Variants in BTBD7 observed in about 807,000 individuals in gnomAD.
The protein encoded by BTBD7 is BTB domain containing 7, also known as BTB/POZ domain-containing protein 7.
In BTBD7, 38 loss-of-function variants were observed where a neutral mutation model predicts 99.9. That is an observed-to-expected ratio of 0.38 (90% confidence interval 0.29 to 0.50). The LOEUF (loss-of-function observed/expected upper bound fraction) is 0.50. Among genes scored for constraint, BTBD7 ranks in the 20% least tolerant of loss-of-function variants. The pLI is 0.93. For missense variants in BTBD7, 1,170 were observed against 1,394.6 expected (o/e 0.84, Z 2.57); for synonymous variants, 520 against 511.4 (o/e 1.02, Z -0.23).
Position 93,294,903 on chromosome 14 carries a change from G to A in BTBD7, c.117C>T (p.Cys39=), listed in dbSNP as rs765663061. The A allele has an allele frequency of 3.3e-5, 53 of 1,603,602 alleles. No individual in the cohort carries two copies. The highest frequency in any genetic ancestry group is 5.2e-5 in the Admixed American group (3 of 57,244). The part of the protein sequence containing the change: ...TSSYSQQGYG[C]ESKLYSLDHG... ...GGTCAAGGCTATACAACTTTGATTC[G>A]CAACCATAGCCTTGCTGAGAATAGG... The change falls in exon 3 of 11, where the codon TGC becomes TGT. Residue 39 remains cysteine (C), a synonymous_variant. Coordinates refer to ENST00000334746, the MANE Select transcript of BTBD7 (RefSeq NM_001002860.4).
intron 1 of BTBD7, among the ~76,000 whole-genome samples, chr14:93,301,508 T>A (rs1406050045): frequency 6.6e-6 from 1 of 151,162 alleles, no homozygotes; most frequent in Non-Finnish European, 1.5e-5. Context: ...TTTTTACATA[T>A]ATATATATAT....
chr14:93,296,691 A>T (rs1159116457), intron 1 of BTBD7, among the ~76,000 whole-genome samples: 1 of 152,242 alleles, frequency 6.6e-6, no homozygotes, highest in East Asian at 1.9e-4. Flanking sequence ...AAGGTGGACA[A>T]TTAAAGCTAA....
rs1269109740 is a variant in BTBD7 at position 93,238,801 on chromosome 14, C to T, written c.*3472G>A. 3 of 152,296 alleles carry T rather than the reference C, an allele frequency of 2.0e-5. No individual in the cohort carries two copies. The highest frequency in any genetic ancestry group is 1.9e-4 in the East Asian group (1 of 5,186). 9.4% of individuals were successfully genotyped at this position (152,296 alleles called of 1,614,324 possible). On this transcript the variant is annotated 3_prime_UTR_variant, in exon 11 of 11. Coordinates refer to ENST00000334746, the MANE Select transcript of BTBD7 (RefSeq NM_001002860.4). ...CGTGTTTCCAATTTGCCTTCTGCATCGGCACCTTAATGCAGATGTACAAGG... is the reference window on the plus strand; with the variant it reads ...CGTGTTTCCAATTTGCCTTCTGCATTGGCACCTTAATGCAGATGTACAAGG...
intron 3 of BTBD7, among the ~76,000 whole-genome samples, chr14:93,266,188 A>ATTT (rs2052541442): frequency 6.6e-6 from 1 of 152,106 alleles, no homozygotes; most frequent in African/African-American, 2.4e-5. Flanking sequence ...CACTGAATGA[A>ATTT]TGCAAAATGT....
At chr14:93,243,463 G>A (rs1271208908) in intron 10 of BTBD7, among the ~76,000 whole-genome samples, 1 of 152,122 alleles carries the variant, frequency 6.6e-6, no homozygotes, top group Admixed American at 6.5e-5. Context: ...AAAGTGCTGG[G>A]ATTACAGGCG....
chr14:93,249,973 C>A (rs548280702), intron 8 of BTBD7, among the ~76,000 whole-genome samples: 17 of 152,282 alleles, frequency 1.1e-4, no homozygotes, highest in Admixed American at 3.9e-4. Flanking sequence ...AACTCCTGTG[C>A]ATATTACTCA....
In BTBD7 at chr14:93,294,297, A is replaced by T. The variant is rs763209407; in HGVS notation, c.723T>A (p.Phe241Leu). 6.6e-5 allele frequency: 106 copies of T among 1,614,084 alleles called. No homozygotes were observed. The highest frequency in any genetic ancestry group is 8.8e-5 in the Non-Finnish European group (104 of 1,180,042). The change falls in exon 3 of 11, where the codon TTT (phenylalanine) becomes TTA (leucine). Residue 241 changes from phenylalanine (F) to leucine (L), a missense_variant. Coordinates refer to ENST00000334746, the MANE Select transcript of BTBD7 (RefSeq NM_001002860.4). ...CGACATCATAATAACACATGTAATCAAAGAGTCCACGCATATCTACATCAA... is the reference window on the plus strand; with the variant it reads ...CGACATCATAATAACACATGTAATCTAAGAGTCCACGCATATCTACATCAA... Reference protein sequence around the residue: ...NSLDVDMRGLFDYMCYYDVVL... With the variant: ...NSLDVDMRGLLDYMCYYDVVL...
intron 1 of BTBD7, among the ~76,000 whole-genome samples, chr14:93,315,060 TCCTTTG>T (rs1469093661): frequency 6.6e-6 from 1 of 152,212 alleles, no homozygotes; most frequent in African/African-American, 2.4e-5. Flanking sequence ...CTCTGTCTTT[TCCTTTG>T]TAACTTCTGG....
At chr14:93,285,867 T>C (rs1475113759) in intron 3 of BTBD7, among the ~76,000 whole-genome samples, 1 of 152,206 alleles carries the variant, frequency 6.6e-6, no homozygotes, top group Non-Finnish European at 1.5e-5. Context: ...ACAAGTCTAG[T>C]TGGCTTAAAG....
intron 1 of BTBD7, among the ~76,000 whole-genome samples, chr14:93,324,423 A>AAAAAAAAATAAAAAT (rs554096191): frequency 0.078 from 11,457 of 147,748 alleles, 986 homozygotes; most frequent in African/African-American, 0.21. Context: ...CCCTGTCTCA[A>AAAAAAAAATAAAAAT]AAAAAAAAAA....
intron 2 of BTBD7, 42 bp from the exon 3 acceptor site, chr14:93,294,979 ACATT>A: frequency 1.3e-6 from 2 of 1,483,630 alleles, no homozygotes; most frequent in Non-Finnish European, 1.8e-6. Flanking sequence ...TTTTTTCTTA[ACATT>A]CATTTTCAAC....
At chr14:93,306,356 C>T (rs2053069966) in intron 1 of BTBD7, among the ~76,000 whole-genome samples, 2 of 151,576 alleles carry the variant, frequency 1.3e-5, no homozygotes, top group Admixed American at 1.3e-4. Context: ...GCCTATAATC[C>T]CAGCACTTTG....
At chr14:93,332,727 G>GGCGC in intron 1 of BTBD7, 93 bp downstream of exon 1, 5 of 1,348,270 alleles carry the variant, frequency 3.7e-6, no homozygotes, top group Non-Finnish European at 4.7e-6. Context: ...GCGCCCCCAC[G>GGCGC]CCTAAGAACA....
chr14:93,285,685 CTGT>C (rs1246993302), intron 3 of BTBD7, among the ~76,000 whole-genome samples: 4 of 152,274 alleles, frequency 2.6e-5, no homozygotes, highest in African/African-American at 7.2e-5. Flanking sequence ...ATTTTCAGAG[CTGT>C]TTACCCAGTA....
intron 1 of BTBD7, among the ~76,000 whole-genome samples, chr14:93,307,234 T>C (rs1179369622): frequency 6.6e-6 from 1 of 152,190 alleles, no homozygotes; most frequent in African/African-American, 2.4e-5. Flanking sequence ...CAATCATAGC[T>C]CACAGTGCCT....
At chr14:93,275,941 T>C (rs2052651736) in intron 3 of BTBD7, among the ~76,000 whole-genome samples, 2 of 152,272 alleles carry the variant, frequency 1.3e-5, no homozygotes, top group South Asian at 2.1e-4. Context: ...TGGCCATGCA[T>C]GGTGGCTCAC....
At chr14:93,331,879 T>TCCCCCCCCCCCCCCC (rs71129629) in intron 1 of BTBD7, among the ~76,000 whole-genome samples, 1 of 133,114 alleles carries the variant, frequency 7.5e-6, no homozygotes, top group African/African-American at 3.4e-5. Context: ...AGACTCCGTC[T>TCCCCCCCCCCCCCCC]CCCCCCCCCC....
rs141292087 is a variant in BTBD7, at chr14:93,304,307, A to C, written c.-106-8150T>G. Among the ~76,000 whole-genome samples, 815 of 152,288 alleles carry C rather than the reference A, an allele frequency of 5.4e-3. 12 individuals carry two copies. The highest frequency in any genetic ancestry group is 0.051 in the Middle Eastern group (15 of 292). On this transcript the variant is annotated intron_variant, in intron 1 of 10. Transcript: ENST00000334746. Reference sequence around the variant, plus strand: ...TGTACAGAAAGATGGTTCACTCTAGATTTAGAGATGGTGATAAAAATGAGT... The same window carrying C: ...TGTACAGAAAGATGGTTCACTCTAGCTTTAGAGATGGTGATAAAAATGAGT...
intron 3 of BTBD7, among the ~76,000 whole-genome samples, chr14:93,280,937 A>ATC (rs2052711824): frequency 6.6e-6 from 1 of 151,824 alleles, no homozygotes; most frequent in East Asian, 1.9e-4. Flanking sequence ...GACTCAAGCA[A>ATC]TCCTCCCATC....
Sources: allele counts gnomAD v4.1 joint callset (sites outside exome capture counted in the v4.1 genomes callset), GRCh38; gene constraint gnomAD v4.1.1; transcripts MANE v1.5; gene names NCBI Gene and HGNC (gene_info 2026-07-23, HGNC 2026-07-21).